SLCO5A1: variants seen among roughly 807,000 people sequenced by gnomAD.
SLCO5A1 encodes organic anion transporter polypeptide-related protein 4.
Under a neutral mutation model 65.1 loss-of-function variants are expected in SLCO5A1, and 39 were observed. The ratio of observed to expected loss-of-function variants is 0.60; its 90% CI spans 0.46 to 0.78. SLCO5A1 has a LOEUF of 0.78. Among genes scored for constraint, SLCO5A1 ranks in the 30% least tolerant of loss-of-function variants. The probability of loss-of-function intolerance (pLI) is 0.00; values close to 1 mark genes in which losing one functional copy is unlikely to be tolerated. For missense variants in SLCO5A1, 1,029 were observed against 1,069.4 expected (o/e 0.96, Z 0.53); for synonymous variants, 438 against 415.7 (o/e 1.05, Z -0.65).
Position 69,682,419 on chromosome 8 carries a change from A to C in SLCO5A1, c.1623-76T>G, listed in dbSNP as rs1292525357. The C allele has an allele frequency of 4.5e-6, 6 of 1,344,858 alleles. No homozygotes were observed. The South Asian group carries it at 1.1e-4, about 25-fold the overall frequency. 83.3% of individuals were successfully genotyped at this position (1,344,858 alleles called of 1,614,324 possible). A position where few individuals can be genotyped will look rare whatever the true frequency, so the allele number is the denominator to read the frequency against. On this transcript the variant is annotated intron_variant, in intron 6 of 9. Transcript: ENST00000260126. The stretch of plus-strand genomic sequence containing the variant: ...CATAGGAAAGGTCTTGAAATTAATA[A>C]TTTGTCCATTTTAGAGAAAATATTC...
chr8:69,786,599 A>C (rs1819048432), intron 2 of SLCO5A1, among the ~76,000 whole-genome samples: 1 of 152,228 alleles, frequency 6.6e-6, no homozygotes, highest in Non-Finnish European at 1.5e-5. Flanking sequence ...ACAATCCATG[A>C]TTTTGTTCTC....
chr8:69,822,224 G>A (rs1480954272), intron 2 of SLCO5A1, among the ~76,000 whole-genome samples: 1 of 152,126 alleles, frequency 6.6e-6, no homozygotes, highest in Non-Finnish European at 1.5e-5. Context: ...CATACATTCC[G>A]CCACAGTCCA....
chr8:69,820,077 C>G (rs1337909995), intron 2 of SLCO5A1, among the ~76,000 whole-genome samples: 1 of 152,248 alleles, frequency 6.6e-6, no homozygotes, highest in African/African-American at 2.4e-5. Context: ...CCACCCTCCT[C>G]TCACCTGTCT....
chr8:69,703,940 A>G (rs1172356336), intron 6 of SLCO5A1, among the ~76,000 whole-genome samples: 1 of 152,222 alleles, frequency 6.6e-6, no homozygotes, highest in Non-Finnish European at 1.5e-5. Flanking sequence ...ACATTATACA[A>G]TGGTGTGTGA....
chr8:69,813,070 A>T (rs776435836), intron 2 of SLCO5A1, among the ~76,000 whole-genome samples: 1 of 152,214 alleles, frequency 6.6e-6, no homozygotes, highest in Non-Finnish European at 1.5e-5. Flanking sequence ...ATGTAAAGAC[A>T]TTCTGCAAAT....
Position 69,832,345 on chromosome 8 carries a change from G to A in SLCO5A1, c.329C>T (p.Ala110Val), listed in dbSNP as rs1183395791. 1.2e-6 allele frequency: 2 copies of A among 1,614,138 alleles called. No homozygotes were observed. The highest frequency in any genetic ancestry group is 3.3e-5 in the Admixed American group (2 of 60,010). The part of the protein sequence containing the change: ...DLSKTFSVSS[A>V]LAMLQERRCL... Reference sequence around the variant, plus strand: ...CCTTCTCTCCTGGAGCATGGCCAAGGCGGAGGACACCGAGAAGGTTTTGCT... The same window carrying A: ...CCTTCTCTCCTGGAGCATGGCCAAGACGGAGGACACCGAGAAGGTTTTGCT... The change falls in exon 2 of 10, where the codon GCC becomes GTC. Residue 110 changes from alanine (A) to valine (V), a missense_variant. By Grantham distance (64) the Ala-to-Val change is moderately conservative (BLOSUM62 0). This residue lies in a region of SLCO5A1 where 647 missense variants were observed against 647.5 expected (regional missense o/e 1.00). Coordinates refer to ENST00000260126, the MANE Select transcript of SLCO5A1 (RefSeq NM_030958.3). The surrounding 1 kb of genome is among the most constrained non-coding windows in gnomAD (Gnocchi z 4.5).
At chr8:69,793,939 T>C (rs1311872417) in intron 2 of SLCO5A1, 1 of 154,622 alleles carries the variant, frequency 6.5e-6, no homozygotes, top group East Asian at 1.9e-4. Context: ...TAACAGTTAT[T>C]CTTTGCAACA....
chr8:69,749,405 G>A (rs1247617943), intron 4 of SLCO5A1, among the ~76,000 whole-genome samples: 2 of 152,122 alleles, frequency 1.3e-5, no homozygotes, highest in East Asian at 1.9e-4. Flanking sequence ...ATCATCTGAG[G>A]TCAGGAGTTC....
At chr8:69,714,473 G>A (rs1435680585) in intron 5 of SLCO5A1, among the ~76,000 whole-genome samples, 1 of 152,108 alleles carries the variant, frequency 6.6e-6, no homozygotes, top group African/African-American at 2.4e-5. Flanking sequence ...AGATAAGCTG[G>A]GGGGATAGCT....
At chr8:69,728,434 A>G (rs1235795416) in intron 5 of SLCO5A1, among the ~76,000 whole-genome samples, 1 of 152,194 alleles carries the variant, frequency 6.6e-6, no homozygotes, top group Non-Finnish European at 1.5e-5. Flanking sequence ...TTAAAATTTT[A>G]AAAAGGTAAT....
At chr8:69,724,148 G>A (rs533901715) in intron 5 of SLCO5A1, among the ~76,000 whole-genome samples, 1 of 152,010 alleles carries the variant, frequency 6.6e-6, no homozygotes, top group Non-Finnish European at 1.5e-5. Context: ...TTCAATTTTT[G>A]CATTTAATAT....
At chr8:69,699,425 C>A (rs1276291048) in intron 6 of SLCO5A1, among the ~76,000 whole-genome samples, 1 of 152,288 alleles carries the variant, frequency 6.6e-6, no homozygotes, top group South Asian at 2.1e-4. Flanking sequence ...AAAGGAGCAT[C>A]CATCTCTTGA....
At chr8:69,799,467 A>C in intron 2 of SLCO5A1, among the ~76,000 whole-genome samples, 1 of 152,198 alleles carries the variant, frequency 6.6e-6, no homozygotes. Context: ...TTCTACACAC[A>C]GTAATGCACG....
At chr8:69,765,500 TAGA>T (rs1404978958) in intron 2 of SLCO5A1, among the ~76,000 whole-genome samples, 1 of 152,104 alleles carries the variant, frequency 6.6e-6, no homozygotes, top group Non-Finnish European at 1.5e-5. Context: ...TATTTCTGGC[TAGA>T]AGAAGCCTTT....
intron 8 of SLCO5A1, among the ~76,000 whole-genome samples, chr8:69,678,100 A>T (rs1813622463): frequency 6.6e-6 from 1 of 152,208 alleles, no homozygotes; most frequent in South Asian, 2.1e-4. Context: ...GTTTCAGTAC[A>T]GACTGAGTGT....
At chr8:69,732,560 A>G (rs1334178049) in intron 5 of SLCO5A1, among the ~76,000 whole-genome samples, 2 of 152,186 alleles carry the variant, frequency 1.3e-5, no homozygotes, top group Non-Finnish European at 2.9e-5. Context: ...ATAATATTTC[A>G]GTAAAAATCA....
chr8:69,759,293 T>G (rs1817658276), intron 3 of SLCO5A1, among the ~76,000 whole-genome samples: 1 of 152,186 alleles, frequency 6.6e-6, no homozygotes, highest in African/African-American at 2.4e-5. Context: ...AATTCATGTT[T>G]AAATAGACCC....
In SLCO5A1 at chr8:69,668,172, C is replaced by G. The variant is rs1813235604; in HGVS notation, c.*4697G>C. 6.6e-6 allele frequency: 1 copy of G among 152,122 alleles called. No homozygotes were observed. Among genetic ancestry groups the G allele is most frequent in the Admixed American group, 6.5e-5 (1 of 15,274 alleles). 9.4% of individuals were successfully genotyped at this position (152,122 alleles called of 1,614,324 possible). A position where few individuals can be genotyped will look rare whatever the true frequency, so the allele number is the denominator to read the frequency against. ...TGAAGTCTTTAAAATAAAACCTCCT[C>G]AAACATACACAGATCTGATTCTAAT... is the stretch of plus-strand genomic sequence containing the variant. On this transcript the variant is annotated 3_prime_UTR_variant, in exon 10 of 10. Coordinates refer to ENST00000260126, the MANE Select transcript of SLCO5A1 (RefSeq NM_030958.3).
rs558398028 is a variant in SLCO5A1, at chr8:69,825,045, G to T, written c.907+6722C>A. On this transcript the variant is annotated intron_variant, in intron 2 of 9. Transcript: ENST00000260126. ...CAAAAACCACATGATTATCTCAATA[G>T]ATGCAGAAAAGGCCTTTGACAAAAT... Among the ~76,000 whole-genome samples, 27 of 152,258 alleles carry T rather than the reference G, an allele frequency of 1.8e-4. No homozygotes were observed. The South Asian group carries it at 5.6e-3, about 32-fold the overall frequency.
Sources: gnomAD v4.1 joint callset for allele counts (sites outside exome capture counted in the v4.1 genomes callset) on GRCh38, gnomAD v4.1.1 for gene constraint, gnomAD v4.1.1 regional missense constraint, Gnocchi (gnomAD v3.1) non-coding constraint, MANE v1.5 for transcripts, NCBI Gene and HGNC (gene_info 2026-07-23, HGNC 2026-07-21) for gene names.